The following NXPH1 variants were observed in gnomAD, a reference collection of about 807,000 sequenced individuals.
NXPH1 encodes neurexophilin-1.
In NXPH1, 5 loss-of-function variants were observed where a neutral mutation model predicts 23.7. The ratio of observed to expected loss-of-function variants is 0.21; its 90% confidence interval spans 0.11 to 0.44. NXPH1 has a LOEUF of 0.44. Ranked by LOEUF, NXPH1 falls within the 20% of genes least tolerant of loss-of-function variation. The pLI is 0.99. For missense variants in NXPH1, 324 were observed against 321.6 expected (o/e 1.01, Z -0.06); for synonymous variants, 144 against 122.2 (o/e 1.18, Z -1.18).
intron 2 of NXPH1, among the ~76,000 whole-genome samples, chr7:8,635,220 T>A (rs1022917728): frequency 4.6e-5 from 7 of 152,176 alleles, no homozygotes; most frequent in African/African-American, 1.4e-4. Context: ...TGTGCATAAT[T>A]CTTCAAAGGT....
intron 2 of NXPH1, among the ~76,000 whole-genome samples, chr7:8,574,914 G>A (rs534488908): frequency 6.6e-6 from 1 of 152,210 alleles, no homozygotes; most frequent in Admixed American, 6.5e-5. Flanking sequence ...ATGCACTGAT[G>A]GTTTGAAATA....
chr7:8,507,938 A>G (rs1817557001), intron 2 of NXPH1, among the ~76,000 whole-genome samples: 1 of 152,120 alleles, frequency 6.6e-6, no homozygotes, highest in Admixed American at 6.6e-5. Flanking sequence ...GTCAATAGGG[A>G]AAAAAGGGAA....
chr7:8,489,762 C>G (rs539292231), intron 2 of NXPH1, among the ~76,000 whole-genome samples: 6 of 152,162 alleles, frequency 3.9e-5, no homozygotes, highest in African/African-American at 1.2e-4. Context: ...CCTTAACATA[C>G]CCTTAATTCC....
At chr7:8,695,221 T>C (rs1821288451) in intron 2 of NXPH1, among the ~76,000 whole-genome samples, 1 of 152,218 alleles carries the variant, frequency 6.6e-6, no homozygotes. Context: ...TCTTGGCGGA[T>C]GCTAGGTCTT....
chr7:8,690,353 A>T (rs188238198), intron 2 of NXPH1: 1 of 152,212 alleles, frequency 6.6e-6, no homozygotes, highest in Non-Finnish European at 1.5e-5. Context: ...TTGGTGAGCT[A>T]TTTATTTTTC....
At chr7:8,441,978 T>A (rs1816308925) in intron 2 of NXPH1, among the ~76,000 whole-genome samples, 1 of 152,098 alleles carries the variant, frequency 6.6e-6, no homozygotes, top group Non-Finnish European at 1.5e-5. Context: ...GTGCCCTCTG[T>A]TGCCGAAAGT....
intron 2 of NXPH1, among the ~76,000 whole-genome samples, chr7:8,710,053 C>T (rs936169189): frequency 1.3e-5 from 2 of 152,268 alleles, no homozygotes; most frequent in Non-Finnish European, 2.9e-5. Flanking sequence ...AAAAGAATCT[C>T]CTTTGCCCTA....
chr7:8,504,648 G>C (rs1162391654), intron 2 of NXPH1, among the ~76,000 whole-genome samples: 2 of 152,002 alleles, frequency 1.3e-5, no homozygotes, highest in Non-Finnish European at 2.9e-5. Context: ...TGATGCTATG[G>C]ACTGAATGTT....
chr7:8,731,977 G>A (rs1780164050), intron 2 of NXPH1, among the ~76,000 whole-genome samples: 1 of 152,200 alleles, frequency 6.6e-6, no homozygotes, highest in Non-Finnish European at 1.5e-5. Flanking sequence ...AGACTGCTGT[G>A]CTAGCAATCA....
chr7:8,491,178 A>G (rs564469213), intron 2 of NXPH1, among the ~76,000 whole-genome samples: 8 of 152,000 alleles, frequency 5.3e-5, no homozygotes, highest in Non-Finnish European at 7.4e-5. Context: ...AATTTATACT[A>G]ATAAGCTTGA....
At chr7:8,571,943 A>C (rs1445006618) in intron 2 of NXPH1, among the ~76,000 whole-genome samples, 2 of 151,804 alleles carry the variant, frequency 1.3e-5, no homozygotes, top group Non-Finnish European at 2.9e-5. Context: ...TGAATTCACT[A>C]TCTGCTGAGT....
intron 2 of NXPH1, among the ~76,000 whole-genome samples, chr7:8,441,174 G>A (rs966552379): frequency 2.0e-4 from 30 of 152,168 alleles, no homozygotes; most frequent in African/African-American, 7.2e-4. Flanking sequence ...GGAAAGGCAG[G>A]CGAGCCTGCC....
intron 2 of NXPH1, among the ~76,000 whole-genome samples, chr7:8,527,803 C>T (rs530489068): frequency 1.9e-4 from 29 of 152,240 alleles, no homozygotes; most frequent in African/African-American, 6.5e-4. Context: ...TATTGTAATT[C>T]AACATGGCAA....
At chr7:8,463,287 A>G (rs1293862415) in intron 2 of NXPH1, among the ~76,000 whole-genome samples, 1 of 152,114 alleles carries the variant, frequency 6.6e-6, no homozygotes, top group East Asian at 1.9e-4. Flanking sequence ...TGGTATCTAT[A>G]AATGTATCTT....
At chr7:8,668,179 G>T (rs1393359929) in intron 2 of NXPH1, among the ~76,000 whole-genome samples, 1 of 150,210 alleles carries the variant, frequency 6.7e-6, no homozygotes, top group Non-Finnish European at 1.5e-5. Flanking sequence ...TTATTTGTTA[G>T]ACAGTTTGTT....
At chr7:8,660,337 C>T (rs10273732) in intron 2 of NXPH1, among the ~76,000 whole-genome samples, 9,691 of 152,188 alleles carry the variant, frequency 0.064, 676 homozygotes, top group East Asian at 0.25. Flanking sequence ...ACTTACCTTA[C>T]AACTCTTAAC....
intron 2 of NXPH1, among the ~76,000 whole-genome samples, chr7:8,636,497 A>C (rs1220647133): frequency 1.3e-5 from 2 of 152,196 alleles, no homozygotes; most frequent in Non-Finnish European, 2.9e-5. Context: ...TGCCTTTAAA[A>C]CTTTCTGTGA....
chr7:8,499,608 C>T (rs1004030545), intron 2 of NXPH1, among the ~76,000 whole-genome samples: 1 of 152,046 alleles, frequency 6.6e-6, no homozygotes, highest in Non-Finnish European at 1.5e-5. Context: ...CTTCCCAGGA[C>T]CTCCCAGGTT....
At chr7:8,489,076 G>A (rs1817207010) in intron 2 of NXPH1, among the ~76,000 whole-genome samples, 1 of 152,084 alleles carries the variant, frequency 6.6e-6, no homozygotes, top group Non-Finnish European at 1.5e-5. Context: ...TCTGATAGAT[G>A]GGATGTGATT....
Sources: gnomAD v4.1 joint callset for allele counts (sites outside exome capture counted in the v4.1 genomes callset) on GRCh38, gnomAD v4.1.1 for gene constraint, MANE v1.5 for transcripts, NCBI Gene and HGNC (gene_info 2026-07-23, HGNC 2026-07-21) for gene names.